ADARB2: variants seen among roughly 807,000 people sequenced by gnomAD.
ADARB2 encodes the protein adenosine deaminase RNA specific B2 (inactive).
Under a neutral mutation model 62.2 loss-of-function variants are expected in ADARB2, and 25 were observed. The ratio of observed to expected loss-of-function variants is 0.40; its 90% CI spans 0.29 to 0.56. The LOEUF is 0.56. ADARB2 is among the 20% of genes least tolerant of loss of function. The pLI is 0.43. For missense variants in ADARB2, 1,071 were observed against 1,077.4 expected, an observed-to-expected ratio of 0.99 and a Z score of 0.08; for synonymous variants, 572 against 500.8, an observed-to-expected ratio of 1.14 and a Z score of -1.90.
chr10:1,217,650 T>G (rs34254114), intron 6 of ADARB2, among the ~76,000 whole-genome samples: 40,530 of 152,164 alleles, frequency 0.27, 5,841 homozygotes, highest in African/African-American at 0.35. Context: ...CCCGGCTCCA[T>G]GGTAAGCTGG....
chr10:1,585,958 T>C (rs537183914), intron 1 of ADARB2, among the ~76,000 whole-genome samples: 15 of 152,156 alleles, frequency 9.9e-5, no homozygotes, highest in South Asian at 6.2e-4. Context: ...GGTGTGAACC[T>C]GGGAGGCGGA....
chr10:1,231,514 T>C (rs1195218130), intron 6 of ADARB2, among the ~76,000 whole-genome samples: 1 of 152,118 alleles, frequency 6.6e-6, no homozygotes, highest in East Asian at 1.9e-4. Context: ...TGTGTGATCT[T>C]GTGGGGCCAC....
intron 8 of ADARB2, among the ~76,000 whole-genome samples, chr10:1,195,173 C>T (rs1836892875): frequency 6.6e-6 from 1 of 152,144 alleles, no homozygotes; most frequent in Non-Finnish European, 1.5e-5. Flanking sequence ...CCCCTCCCAT[C>T]CCTGTCCTTC....
intron 7 of ADARB2, among the ~76,000 whole-genome samples, chr10:1,204,969 G>C (rs1837032955): frequency 6.6e-6 from 1 of 152,210 alleles, no homozygotes; most frequent in South Asian, 2.1e-4. Flanking sequence ...CACAGGGTGG[G>C]CCTGCACCTG....
At chr10:1,450,162 A>AGAGG (rs1357051043) in intron 1 of ADARB2, among the ~76,000 whole-genome samples, 1 of 152,198 alleles carries the variant, frequency 6.6e-6, no homozygotes, top group East Asian at 1.9e-4. Flanking sequence ...GCTCCCGTCG[A>AGAGG]GAGGGAGGGA....
chr10:1,486,210 C>CTGTG (rs61283089), intron 1 of ADARB2, among the ~76,000 whole-genome samples: 9,119 of 142,868 alleles, frequency 0.064, 366 homozygotes, highest in African/African-American at 0.11. Context: ...GTGTGGACGC[C>CTGTG]TGTGTGTGTG....
intron 4 of ADARB2, among the ~76,000 whole-genome samples, chr10:1,268,602 ATAAC>A (rs1477258747): frequency 1.3e-5 from 2 of 152,266 alleles, no homozygotes; most frequent in Non-Finnish European, 2.9e-5. Flanking sequence ...ATTTGCTTGA[ATAAC>A]TGAACTAGAA....
chr10:1,463,274 G>C (rs1453849347), intron 1 of ADARB2, among the ~76,000 whole-genome samples: 13 of 152,162 alleles, frequency 8.5e-5, no homozygotes, highest in Non-Finnish European at 1.8e-4. Context: ...ATTTGGTGGA[G>C]GCCGCTATTC....
chr10:1,260,925 A>C (rs1315185243), intron 4 of ADARB2, among the ~76,000 whole-genome samples: 1 of 144,054 alleles, frequency 6.9e-6, no homozygotes, highest in African/African-American at 2.6e-5. Context: ...ACAGTAACCA[A>C]AACAGCATGG....
At chr10:1,620,460 C>T (rs1403363546) in intron 1 of ADARB2, among the ~76,000 whole-genome samples, 1 of 152,122 alleles carries the variant, frequency 6.6e-6, no homozygotes, top group Non-Finnish European at 1.5e-5. Flanking sequence ...ACAAAAATAA[C>T]AATTAAGAAA....
intron 1 of ADARB2, among the ~76,000 whole-genome samples, chr10:1,598,987 T>C (rs1193300209): frequency 6.6e-6 from 1 of 152,216 alleles, no homozygotes; most frequent in African/African-American, 2.4e-5. Flanking sequence ...CGGTGTGTGG[T>C]GGCCCCAGGC....
chr10:1,220,131 G>A (rs1564225185), intron 6 of ADARB2, among the ~76,000 whole-genome samples: 1 of 149,160 alleles, frequency 6.7e-6, no homozygotes, highest in African/African-American at 2.5e-5. Flanking sequence ...TGATGGTGAA[G>A]ATAATGATGG....
chr10:1,428,004 A>G (rs1830722627), intron 1 of ADARB2, among the ~76,000 whole-genome samples: 1 of 151,112 alleles, frequency 6.6e-6, no homozygotes. Flanking sequence ...TCATTCTGTC[A>G]CCCAGGCTGG....
intron 1 of ADARB2, among the ~76,000 whole-genome samples, chr10:1,516,372 G>A (rs1268734489): frequency 6.6e-6 from 1 of 152,154 alleles, no homozygotes; most frequent in Non-Finnish European, 1.5e-5. Context: ...CCTTTCCCGA[G>A]GTGCAGCTGG....
At chr10:1,494,537 C>T (rs1831664406) in intron 1 of ADARB2, among the ~76,000 whole-genome samples, 1 of 152,136 alleles carries the variant, frequency 6.6e-6, no homozygotes, top group African/African-American at 2.4e-5. Flanking sequence ...GGGACAATAA[C>T]CCACACAATA....
chr10:1,727,112 C>T (rs1835176939), intron 1 of ADARB2, among the ~76,000 whole-genome samples: 1 of 152,182 alleles, frequency 6.6e-6, no homozygotes, highest in African/African-American at 2.4e-5. Context: ...CCCGACAGGG[C>T]GCTTTGTAAA....
chr10:1,581,457 G>A (rs1321126613), intron 1 of ADARB2, among the ~76,000 whole-genome samples: 1 of 152,214 alleles, frequency 6.6e-6, no homozygotes, highest in Non-Finnish European at 1.5e-5. Flanking sequence ...AGTGGAGCCT[G>A]GGCCCTGGAG....
At chr10:1,501,327 A>G (rs534910134) in intron 1 of ADARB2, among the ~76,000 whole-genome samples, 1 of 152,240 alleles carries the variant, frequency 6.6e-6, no homozygotes, top group East Asian at 1.9e-4. Flanking sequence ...TGTATACATG[A>G]TTTTTCTAGA....
At chr10:1,580,333 AG>A (rs1190100064) in intron 1 of ADARB2, among the ~76,000 whole-genome samples, 2 of 152,152 alleles carry the variant, frequency 1.3e-5, no homozygotes, top group African/African-American at 4.8e-5. Flanking sequence ...CTCAACATCT[AG>A]CCCCCACTTA....
Sources: allele counts gnomAD v4.1 joint callset (sites outside exome capture counted in the v4.1 genomes callset), GRCh38; gene constraint gnomAD v4.1.1; transcripts MANE v1.5; gene names NCBI Gene and HGNC (gene_info 2026-07-23, HGNC 2026-07-21).